Variants in ANXA8 observed in about 807,000 individuals in gnomAD.
The protein encoded by ANXA8 is VAC-beta.
A neutral mutation model predicts 26.8 loss-of-function variants in ANXA8; 9 were observed. The ratio of observed to expected loss-of-function variants is 0.34; its 90% CI spans 0.20 to 0.59. ANXA8 has a LOEUF of 0.59. Ranked by LOEUF, ANXA8 falls within the 20% of genes least tolerant of loss-of-function variation. The pLI is 0.84. For missense variants in ANXA8, 83 were observed against 238.5 expected (o/e 0.35, Z 4.29); for synonymous variants, 39 against 94.8 (o/e 0.41, Z 3.42).
At chr10:47,615,164 A>G in the ANXA8 span, among the ~76,000 whole-genome samples, 14 of 73,672 alleles carry the variant, frequency 1.9e-4, 5 homozygotes, top group African/African-American at 5.5e-4. Flanking sequence ...TTGACATAGT[A>G]AAAACTAAGA....
At chr10:47,620,855 T>A in the ANXA8 span, among the ~76,000 whole-genome samples, 2 of 108,870 alleles carry the variant, frequency 1.8e-5, 1 homozygote, top group Non-Finnish European at 4.0e-5. Context: ...TTGTTTAAAT[T>A]ACAAGGGAGA....
At chr10:47,962,391 C>A in the ANXA8 span, among the ~76,000 whole-genome samples, 1 of 151,074 alleles carries the variant, frequency 6.6e-6, no homozygotes, top group East Asian at 2.0e-4. Context: ...CTCCCTGTGG[C>A]TGGAAAGGCT....
At chr10:47,483,886 C>G (rs1395795480) in intron 1 of ANXA8, 27 bp downstream of exon 1, 233 of 1,611,618 alleles carry the variant, frequency 1.4e-4, no homozygotes, top group African/African-American at 7.4e-4. Flanking sequence ...ATGCAGGAAC[C>G]CAAATCTCCT....
the ANXA8 span, among the ~76,000 whole-genome samples, chr10:47,586,418 CA>C: frequency 6.9e-6 from 1 of 145,894 alleles, no homozygotes; most frequent in Non-Finnish European, 1.5e-5. Context: ...GAGTTGAGCA[CA>C]ATTGCTCTCT....
At chr10:47,699,392 G>T in the ANXA8 span, among the ~76,000 whole-genome samples, 4 of 144,252 alleles carry the variant, frequency 2.8e-5, no homozygotes, top group South Asian at 2.2e-4. Flanking sequence ...TTGAACATTT[G>T]AATGGATAAA....
chr10:47,971,446 G>C, the ANXA8 span, among the ~76,000 whole-genome samples: 1 of 144,240 alleles, frequency 6.9e-6, no homozygotes, highest in East Asian at 2.0e-4. Flanking sequence ...TATGCATCCA[G>C]TTTGGCTGAC....
chr10:47,655,742 C>T, the ANXA8 span, among the ~76,000 whole-genome samples: 3 of 151,992 alleles, frequency 2.0e-5, no homozygotes, highest in South Asian at 2.1e-4. Flanking sequence ...TAGCTGCGGC[C>T]GGGCAAGGTG....
rs1839695828 is a variant in ANXA8, at chr10:47,478,585, CT to C, written c.154del (p.Ser52AlafsTer24). The C allele has an allele frequency of 9.1e-7, 1 of 1,102,910 alleles. No homozygotes were observed. Among genetic ancestry groups the C allele is most frequent in the Non-Finnish European group, 1.3e-6 (1 of 793,408 alleles). The allele number at this position is 1,102,910 out of a possible 1,614,324, so 68.3% of individuals were successfully genotyped here. On this transcript the variant is annotated frameshift_variant, in exon 3 of 12. Coordinates refer to ENST00000585281, the MANE Select transcript of ANXA8 (RefSeq NM_001040084.3). LOFTEE classifies it high-confidence loss of function. ...QAIIDVLTKR[S>X]NTQRQQIAKS... ...GGCGATCTGCTGCCGCTGCGTGTTGCTTCTCTTGGTGAGCACATCGATGATA... is the reference window on the plus strand; with the variant it reads ...GGCGATCTGCTGCCGCTGCGTGTTGCTCTCTTGGTGAGCACATCGATGATA...
the ANXA8 span, among the ~76,000 whole-genome samples, chr10:47,955,322 G>A: frequency 6.7e-6 from 1 of 150,028 alleles, no homozygotes; most frequent in African/African-American, 2.5e-5. Flanking sequence ...GTCTCTATCA[G>A]CAGCTTGAAA....
the ANXA8 span, among the ~76,000 whole-genome samples, chr10:47,968,826 C>T: frequency 6.8e-6 from 1 of 147,136 alleles, no homozygotes; most frequent in South Asian, 2.2e-4. Flanking sequence ...ATTACCCAAG[C>T]AAAATCATGG....
the ANXA8 span, among the ~76,000 whole-genome samples, chr10:47,988,547 T>C: frequency 1.6e-5 from 2 of 125,946 alleles, no homozygotes; most frequent in East Asian, 4.1e-4. Context: ...GAAGCTCTTA[T>C]AGAGCAGCCC....
rs1196193932 is a variant in ANXA8 at position 47,469,991 on chromosome 10, G to A, written c.925-1085C>T. On this transcript the variant is annotated intron_variant, in intron 11 of 11. Transcript: ENST00000585281. ...ACTCCTGGGCTCAAGCGATCCTCCC[G>A]CGTTGGCCTCCCAAAGCACTGGGAT... Among the ~76,000 whole-genome samples the A allele has an allele frequency of 2.0e-4, 30 of 151,662 alleles. 1 individual carries two copies. The highest frequency in any genetic ancestry group is 6.2e-4 in the South Asian group (3 of 4,818).
chr10:47,511,214 A>C, the ANXA8 span, among the ~76,000 whole-genome samples: 1 of 140,472 alleles, frequency 7.1e-6, no homozygotes, highest in Non-Finnish European at 1.5e-5. Context: ...AAGTACTGGG[A>C]TTACAGGCGT....
At chr10:47,522,238 T>A in the ANXA8 span, among the ~76,000 whole-genome samples, 3 of 142,672 alleles carry the variant, frequency 2.1e-5, no homozygotes, top group Non-Finnish European at 4.6e-5. Flanking sequence ...CGTTGACGTT[T>A]CATGTCTTTT....
At chr10:47,707,638 T>C in the ANXA8 span, among the ~76,000 whole-genome samples, 1 of 136,570 alleles carries the variant, frequency 7.3e-6, no homozygotes, top group Admixed American at 7.7e-5. Flanking sequence ...CCTCTTGTCT[T>C]AGCCTCCCAA....
the ANXA8 span, among the ~76,000 whole-genome samples, chr10:47,940,977 C>A: frequency 7.0e-6 from 1 of 142,090 alleles, no homozygotes; most frequent in African/African-American, 2.7e-5. Flanking sequence ...AGACCATGGT[C>A]CCCTGCCAAT....
chr10:47,741,058 G>A, the ANXA8 span, among the ~76,000 whole-genome samples: 1 of 144,960 alleles, frequency 6.9e-6, no homozygotes, highest in Non-Finnish European at 1.5e-5. Context: ...GCTGTAAAGT[G>A]GAACCTCCTG....
the ANXA8 span, among the ~76,000 whole-genome samples, chr10:47,698,747 T>C: frequency 6.6e-6 from 1 of 152,040 alleles, no homozygotes; most frequent in Non-Finnish European, 1.5e-5. Context: ...GAGGCTTAAG[T>C]GGGAAAGAAA....
At chr10:47,483,427 C>T (rs1457081793) in intron 1 of ANXA8, among the ~76,000 whole-genome samples, 2 of 134,918 alleles carry the variant, frequency 1.5e-5, no homozygotes, top group African/African-American at 6.3e-5. Context: ...TCCATCTCCT[C>T]CGGTACCAGG....
Sources: allele counts gnomAD v4.1 joint callset (sites outside exome capture counted in the v4.1 genomes callset), GRCh38; gene constraint gnomAD v4.1.1; transcripts MANE v1.5; gene names NCBI Gene and HGNC (gene_info 2026-07-23, HGNC 2026-07-21).